The following TKTL1 variants were observed in gnomAD, a reference collection of about 807,000 sequenced individuals.
TKTL1 encodes transketolase like 1, also known as transketolase-like protein 1.
A neutral mutation model predicts 39.3 loss-of-function variants in TKTL1; 1 was observed. The observed-to-expected ratio is 0.03, with a 90% confidence interval of 0.01 to 0.12. TKTL1 has a LOEUF of 0.12. Ranked by LOEUF, TKTL1 falls within the 10% of genes least tolerant of loss-of-function variation. The probability of loss-of-function intolerance (pLI) is 1.00; values close to 1 mark genes in which losing one functional copy is unlikely to be tolerated. For synonymous variants in TKTL1, 262 were observed against 193.8 expected (o/e 1.35, Z -2.92); for missense variants, 575 against 509.6 (o/e 1.13, Z -1.24).
chrX:154,309,504 CG>C lies in TKTL1; in HGVS notation c.350+68del, dbSNP rs1378336287. 1.6e-5 allele frequency: 15 copies of C among 961,193 alleles called. No individual in the cohort carries two copies. In the African/African-American group the frequency reaches 2.3e-4, roughly 15 times the overall value. 79.2% of individuals were successfully genotyped at this position (961,193 alleles called of 1,213,427 possible). ...CATCTACATCCCCTTCCTAGAGTCT[CG>C]GGGGGCAGCCACCTATCTCCGTGAT... On this transcript the variant is annotated intron_variant, in intron 3 of 12. Transcript: ENST00000369915.
At chrX:154,306,319 T>C (rs1228426900) in intron 2 of TKTL1, among the ~76,000 whole-genome samples, 2 of 110,961 alleles carry the variant, frequency 1.8e-5, no homozygotes, top group Non-Finnish European at 3.8e-5. Context: ...AAAAGAAAAA[T>C]CTGGCTGGGT....
At chrX:154,327,477 TAAG>T (rs1557172209) in intron 10 of TKTL1, 111 bp from the exon 11 acceptor site, 2 of 657,068 alleles carry the variant, frequency 3.0e-6, no homozygotes, top group African/African-American at 4.3e-5. Flanking sequence ...AGTGAGTTAT[TAAG>T]GAGTGAAATT....
intron 10 of TKTL1, chrX:154,327,086 C>G (rs1352719631): frequency 4.7e-6 from 1 of 214,478 alleles, no homozygotes; most frequent in Non-Finnish European, 8.7e-6. Context: ...CAGAATAGTA[C>G]GTTGTCGAGA....
chrX:154,311,840 A>T (rs1338994029), intron 5 of TKTL1, among the ~76,000 whole-genome samples: 1 of 111,330 alleles, frequency 9.0e-6, no homozygotes, highest in East Asian at 2.8e-4. Flanking sequence ...TTATTTTACC[A>T]GTGTGCTCCT....
At chrX:154,307,345 TC>T (rs2067323213) in intron 2 of TKTL1, among the ~76,000 whole-genome samples, 1 of 112,186 alleles carries the variant, frequency 8.9e-6, no homozygotes, top group Non-Finnish European at 1.9e-5. Flanking sequence ...ATTTGTGTGT[TC>T]ATCAGATTTA....
At chrX:154,318,664 C>T (rs991555491) in intron 7 of TKTL1, among the ~76,000 whole-genome samples, 6 of 99,792 alleles carry the variant, frequency 6.0e-5, no homozygotes, top group Non-Finnish European at 1.0e-4. Context: ...GCTGAGATTG[C>T]GCCACTGCAG....
intron 1 of TKTL1, among the ~76,000 whole-genome samples, chrX:154,304,346 GGTGGGCTCTGCCATCA>G (rs1157040952): frequency 9.0e-6 from 1 of 111,335 alleles, no homozygotes; most frequent in Non-Finnish European, 1.9e-5. Context: ...CCTGCAGCCT[GGTGGGCTCTGCCATCA>G]GCACCCCAAA....
chrX:154,318,835 C>T (rs1176993614), intron 7 of TKTL1, among the ~76,000 whole-genome samples: 1 of 109,668 alleles, frequency 9.1e-6, no homozygotes, highest in Non-Finnish European at 1.9e-5. Context: ...CCTTTTTCTA[C>T]TTGATTTCCA....
At chrX:154,302,959 G>C (rs2067285187) in intron 1 of TKTL1, among the ~76,000 whole-genome samples, 1 of 110,718 alleles carries the variant, frequency 9.0e-6, no homozygotes, top group African/African-American at 3.3e-5. Context: ...CCTCCCCTAG[G>C]ACCTAGGGAG....
chrX:154,324,142 G>GT (rs1384568194), intron 9 of TKTL1, among the ~76,000 whole-genome samples: 5 of 109,752 alleles, frequency 4.6e-5, no homozygotes, highest in Non-Finnish European at 9.5e-5. Context: ...TTTGTGTTTT[G>GT]TTTTTTGGGT....
Position 154,323,839 on chromosome X carries a change from G to A in TKTL1, c.1317+502G>A, listed in dbSNP as rs138470574. Among the ~76,000 whole-genome samples, 5 of 112,679 alleles carry A rather than the reference G, an allele frequency of 4.4e-5. No homozygotes were observed. In the East Asian group the frequency reaches 1.4e-3, roughly 32 times the overall value. On this transcript the variant is annotated intron_variant, in intron 9 of 12. Transcript: ENST00000369915. ...TGGAACAGCTTAGGGCGCCAAGAGT[G>A]TGTGGGACCTCATGCAAGGGCATCA...
At chrX:154,313,181 T>G (rs782287856) in intron 6 of TKTL1, among the ~76,000 whole-genome samples, 76 of 112,407 alleles carry the variant, frequency 6.8e-4, no homozygotes, top group African/African-American at 2.4e-3. Context: ...ATTTATTAGC[T>G]CCTGGTGTGG....
intron 1 of TKTL1, among the ~76,000 whole-genome samples, chrX:154,300,416 CTTTG>C (rs782536113): frequency 4.9e-4 from 55 of 112,388 alleles, no homozygotes; most frequent in South Asian, 2.5e-3. Context: ...CATGAGATAT[CTTTG>C]TTTGTGTCAT....
chrX:154,306,145 TA>T (rs34305192), intron 2 of TKTL1, among the ~76,000 whole-genome samples: 203 of 100,556 alleles, frequency 2.0e-3, no homozygotes, highest in Admixed American at 2.0e-3. Context: ...CGTCTCCACT[TA>T]AAAAAAAAAA....
At chrX:154,306,617 C>CT (rs782122757) in intron 2 of TKTL1, among the ~76,000 whole-genome samples, 3 of 111,422 alleles carry the variant, frequency 2.7e-5, no homozygotes, top group Non-Finnish European at 5.7e-5. Context: ...TGTCTATAAA[C>CT]TTGAACTTTT....
chrX:154,297,476 T>C (rs2067239615), intron 1 of TKTL1, among the ~76,000 whole-genome samples: 1 of 110,934 alleles, frequency 9.0e-6, no homozygotes, highest in South Asian at 3.8e-4. Context: ...CAGGATGGTC[T>C]CGATCTCCTG....
intron 1 of TKTL1, among the ~76,000 whole-genome samples, chrX:154,303,379 ATTTTTTTTTTTTTTTT>A (rs1172255094): frequency 8.9e-5 from 3 of 33,667 alleles, no homozygotes; most frequent in Non-Finnish European, 1.5e-4. Context: ...TGCCCAGCTA[ATTTTTTTTTTTTTTTT>A]TTTTTTTTTT....
chrX:154,298,026 C>T (rs1336275077), intron 1 of TKTL1, among the ~76,000 whole-genome samples: 2 of 111,623 alleles, frequency 1.8e-5, no homozygotes, highest in Admixed American at 9.5e-5. Context: ...CTGCTTTAGT[C>T]TCCTTACTAG....
rs995061636 is a variant in TKTL1 at position 154,296,408 on chromosome X, C to G, written c.134+415C>G. Among the ~76,000 whole-genome samples, 7 of 110,966 alleles carry G rather than the reference C, an allele frequency of 6.3e-5. No individual in the cohort carries two copies. The Admixed American group carries it at 6.7e-4, about 11-fold the overall frequency. Reference sequence around the variant, plus strand: ...CCCTGGTAAGCAGTTGTACTGGATCCCCGAGGGTGAATGAGCGACTCTAAC... The same window carrying G: ...CCCTGGTAAGCAGTTGTACTGGATCGCCGAGGGTGAATGAGCGACTCTAAC... On this transcript the variant is annotated intron_variant, in intron 1 of 12. Transcript: ENST00000369915.
Sources: allele counts gnomAD v4.1 joint callset (sites outside exome capture counted in the v4.1 genomes callset), GRCh38; gene constraint gnomAD v4.1.1; transcripts MANE v1.5; gene names NCBI Gene and HGNC (gene_info 2026-07-23, HGNC 2026-07-21).